Variants in PDE8B observed in about 807,000 individuals in gnomAD.
PDE8B encodes the protein high affinity cAMP-specific and IBMX-insensitive 3',5'-cyclic phosphodiesterase 8B.
Under a neutral mutation model 101.3 loss-of-function variants are expected in PDE8B, and 26 were observed. That is an observed-to-expected ratio of 0.26 (90% CI 0.19 to 0.36). The LOEUF (loss-of-function observed/expected upper bound fraction) is 0.36, where lower values mean the gene tolerates loss of function less well. Among genes scored for constraint, PDE8B ranks in the 10% least tolerant of loss-of-function variants. The pLI is 1.00. For synonymous variants in PDE8B, 424 were observed against 429.3 expected (o/e 0.99, Z 0.15); for missense variants, 810 against 1,163.1 (o/e 0.70, Z 4.42).
At chr5:77,395,019 C>T (rs1028378401) in intron 10 of PDE8B, among the ~76,000 whole-genome samples, 5 of 152,084 alleles carry the variant, frequency 3.3e-5, no homozygotes, top group Non-Finnish European at 7.4e-5. Flanking sequence ...GGTTTGGGTT[C>T]CTGTAATGTT....
intron 10 of PDE8B, among the ~76,000 whole-genome samples, chr5:77,389,907 T>G (rs1789553477): frequency 1.3e-5 from 2 of 152,206 alleles, no homozygotes; most frequent in Non-Finnish European, 2.9e-5. Context: ...TGGACAAGTT[T>G]TCTTGTGAAT....
chr5:77,120,124 A>G, the PDE8B span, among the ~76,000 whole-genome samples: 1 of 152,246 alleles, frequency 6.6e-6, no homozygotes. Flanking sequence ...TATTGATATA[A>G]TAATATGGGT....
chr5:77,218,209 C>T (rs1052044601), intron 1 of PDE8B, among the ~76,000 whole-genome samples: 3 of 152,208 alleles, frequency 2.0e-5, no homozygotes, highest in African/African-American at 4.8e-5. Flanking sequence ...ATGGTTTGTA[C>T]ACTTTGCAAC....
chr5:77,191,105 G>C, the PDE8B span, among the ~76,000 whole-genome samples: 1 of 152,062 alleles, frequency 6.6e-6, no homozygotes, highest in Admixed American at 6.5e-5. Flanking sequence ...TGCATGTATG[G>C]AGAGAGCTCT....
At chr5:77,258,594 C>A (rs963853122) in intron 1 of PDE8B, among the ~76,000 whole-genome samples, 1 of 152,122 alleles carries the variant, frequency 6.6e-6, no homozygotes, top group South Asian at 2.1e-4. Flanking sequence ...GATAGGATAC[C>A]ATCAGGAAAC....
At chr5:77,113,859 GA>G in the PDE8B span, 1 of 152,172 alleles carries the variant, frequency 6.6e-6, no homozygotes, top group Non-Finnish European at 1.5e-5. Context: ...CAAAGGATAT[GA>G]ACAGACACTT....
chr5:77,359,997 A>G (rs1782802268), intron 10 of PDE8B, among the ~76,000 whole-genome samples: 1 of 151,898 alleles, frequency 6.6e-6, no homozygotes, highest in African/African-American at 2.4e-5. Context: ...AGGCTGAGGC[A>G]GGAGAATTGC....
At chr5:77,089,516 A>G in the PDE8B span, 39,157 of 152,166 alleles carry the variant, frequency 0.26, 5,370 homozygotes, top group Admixed American at 0.36. Context: ...ACCCCTGTCC[A>G]TGGAAAAATT....
At chr5:77,281,231 G>T (rs1303096391) in intron 1 of PDE8B, among the ~76,000 whole-genome samples, 1 of 152,184 alleles carries the variant, frequency 6.6e-6, no homozygotes, top group African/African-American at 2.4e-5. Flanking sequence ...TAGTGGCTGT[G>T]GTACTGAGAG....
At chr5:77,387,630 A>G (rs1789007769) in intron 10 of PDE8B, among the ~76,000 whole-genome samples, 1 of 149,748 alleles carries the variant, frequency 6.7e-6, no homozygotes, top group African/African-American at 2.5e-5. Flanking sequence ...CTGTCTTGCT[A>G]GGTTGGGGAA....
At chr5:77,420,769 T>C (rs911869232) in intron 19 of PDE8B, among the ~76,000 whole-genome samples, 7 of 152,150 alleles carry the variant, frequency 4.6e-5, no homozygotes, top group African/African-American at 1.4e-4. Context: ...AGGAAAAGTA[T>C]AGAGATTCAT....
intron 1 of PDE8B, among the ~76,000 whole-genome samples, chr5:77,244,735 G>A (rs1434547491): frequency 3.3e-5 from 5 of 151,980 alleles, no homozygotes; most frequent in African/African-American, 1.2e-4. Flanking sequence ...AAGACACTAA[G>A]CATCAAGAGA....
chr5:77,128,881 C>CA, the PDE8B span, among the ~76,000 whole-genome samples: 12 of 152,184 alleles, frequency 7.9e-5, no homozygotes, highest in Non-Finnish European at 1.8e-4. Context: ...TGGTTTGAGT[C>CA]TGAGGACCAT....
chr5:77,198,983 C>T, the PDE8B span, among the ~76,000 whole-genome samples: 1 of 152,038 alleles, frequency 6.6e-6, no homozygotes, highest in Non-Finnish European at 1.5e-5. Context: ...TCGTCTTTTC[C>T]CACACACCCA....
At chr5:77,178,740 A>G in the PDE8B span, among the ~76,000 whole-genome samples, 1 of 152,160 alleles carries the variant, frequency 6.6e-6, no homozygotes, top group Non-Finnish European at 1.5e-5. Context: ...GCGGCAATCA[A>G]TATCTCAGCT....
At chr5:77,403,527 T>C (rs976953655) in intron 11 of PDE8B, among the ~76,000 whole-genome samples, 1 of 152,140 alleles carries the variant, frequency 6.6e-6, no homozygotes, top group Non-Finnish European at 1.5e-5. Context: ...ATATCCCCAT[T>C]TAAAAGCCTT....
At position 77,413,059 on chromosome 5, in the gene PDE8B, G is replaced by C. The variant is rs562447705; in HGVS notation, c.1713-52G>C. ...TGCCCCACTATCATCAAAGAAAACA[G>C]TTTCTGGGCCAGTGAATACAATGAG... On this transcript the variant is annotated intron_variant, in intron 16 of 21. Coordinates refer to ENST00000264917, the MANE Select transcript of PDE8B (RefSeq NM_003719.5). 6.1e-6 allele frequency: 9 copies of C among 1,469,000 alleles called. No individual in the cohort carries two copies. In the East Asian group the frequency reaches 2.0e-4, roughly 33 times the overall value. 91.0% of individuals were successfully genotyped at this position (1,469,000 alleles called of 1,614,324 possible). A position where few individuals can be genotyped will look rare whatever the true frequency, so the allele number is the denominator to read the frequency against.
rs967300797 is a variant in PDE8B, at chr5:77,272,395, G to A, written c.340-39599G>A. Reference sequence around the variant, plus strand: ...CTCTTGGGAGGGTCAAACCACAGCTGGCTGATCTGTTATCAAAGGATTTGT... The same window carrying A: ...CTCTTGGGAGGGTCAAACCACAGCTAGCTGATCTGTTATCAAAGGATTTGT... On this transcript the variant is annotated intron_variant, in intron 1 of 21. Coordinates refer to ENST00000264917, the MANE Select transcript of PDE8B (RefSeq NM_003719.5). Among the ~76,000 whole-genome samples, 11 of 152,162 alleles carry A rather than the reference G, an allele frequency of 7.2e-5. No homozygotes were observed. In the South Asian group the frequency reaches 1.7e-3, roughly 23 times the overall value.
intron 9 of PDE8B, among the ~76,000 whole-genome samples, chr5:77,351,872 G>A (rs938926164): frequency 6.6e-6 from 1 of 152,246 alleles, no homozygotes; most frequent in East Asian, 1.9e-4. Flanking sequence ...TGAGGCCACA[G>A]TCATCCTGCC....
Sources: gnomAD v4.1 joint callset for allele counts (sites outside exome capture counted in the v4.1 genomes callset) on GRCh38, gnomAD v4.1.1 for gene constraint, MANE v1.5 for transcripts, NCBI Gene and HGNC (gene_info 2026-07-23, HGNC 2026-07-21) for gene names.